SYNE1: variants seen among roughly 807,000 people sequenced by gnomAD.
SYNE1 encodes the protein spectrin repeat containing nuclear envelope protein 1, also known as nesprin-1.
SYNE1 carries 616 observed loss-of-function variants against 1,111.0 expected under a neutral mutation model. That is an observed-to-expected ratio of 0.55 (90% CI 0.52 to 0.59). The LOEUF is 0.59. Ranked by LOEUF, SYNE1 falls within the 20% of genes least tolerant of loss-of-function variation. The probability of loss-of-function intolerance (pLI) is 0.00; values close to 1 mark genes in which losing one functional copy is unlikely to be tolerated. For synonymous variants in SYNE1, 3,855 were observed against 3,825.8 expected (o/e 1.01, Z -0.28); for missense variants, 10,006 against 10,417.0 (o/e 0.96, Z 1.72).
At chr6:152,177,573 A>C (rs557227091) in intron 129 of SYNE1, among the ~76,000 whole-genome samples, 24 of 152,320 alleles carry the variant, frequency 1.6e-4, no homozygotes, top group Non-Finnish European at 2.4e-4. Context: ...AAAGGGCCCC[A>C]GGGGAATGGT....
At position 152,488,698 on chromosome 6, in the gene SYNE1, C is replaced by G. The variant is rs115013209; in HGVS notation, c.940-195G>C. On this transcript the variant is annotated intron_variant, in intron 11 of 145. Coordinates refer to ENST00000367255, the MANE Select transcript of SYNE1 (RefSeq NM_182961.4). ...AACTCTAGAAAAGTATCTTAGTTAT[C>G]TTATTGAATAACGAAATTAACCAAC... 5.8e-3 allele frequency among the ~76,000 whole-genome samples: 880 copies of G among 151,242 alleles called. 17 individuals are homozygous for G. Among genetic ancestry groups the G allele is most frequent in the African/African-American group, 0.021 (842 of 40,986 alleles).
In SYNE1 at chr6:152,623,047, G is replaced by A. The variant is rs143123948; in HGVS notation, c.67+5218C>T. Among the ~76,000 whole-genome samples, 403 of 151,902 alleles carry A rather than the reference G, an allele frequency of 2.7e-3. 4 individuals are homozygous for A. Among genetic ancestry groups the A allele is most frequent in the African/African-American group, 9.1e-3 (376 of 41,442 alleles). ...CTTTTTTTCATATGAAAGCCAAGGC[G>A]TCCTAAGCAAAAGAACAAAGCTGGA... On this transcript the variant is annotated intron_variant, in intron 3 of 145. Coordinates refer to ENST00000367255, the MANE Select transcript of SYNE1 (RefSeq NM_182961.4).
At chr6:152,610,565 C>A (rs1297924895) in intron 3 of SYNE1, among the ~76,000 whole-genome samples, 2 of 152,184 alleles carry the variant, frequency 1.3e-5, no homozygotes, top group East Asian at 3.8e-4. Flanking sequence ...AGTTGGAAAA[C>A]ACTCTTCAGG....
intron 13 of SYNE1, among the ~76,000 whole-genome samples, chr6:152,483,541 A>T (rs1349643026): frequency 6.6e-6 from 1 of 152,086 alleles, no homozygotes; most frequent in African/African-American, 2.4e-5. Flanking sequence ...TGAAGCACCC[A>T]CTGATTTTCA....
At chr6:152,266,991 T>G (rs2092776280) in intron 100 of SYNE1, among the ~76,000 whole-genome samples, 1 of 152,208 alleles carries the variant, frequency 6.6e-6, no homozygotes, top group African/African-American at 2.4e-5. Flanking sequence ...TACTCTACTT[T>G]CAACTTTATA....
At chr6:152,597,728 T>C (rs1178395636) in intron 3 of SYNE1, among the ~76,000 whole-genome samples, 1 of 152,220 alleles carries the variant, frequency 6.6e-6, no homozygotes, top group African/African-American at 2.4e-5. Context: ...TTGTTGTAGC[T>C]ATTATGAATA....
intron 131 of SYNE1, among the ~76,000 whole-genome samples, chr6:152,159,609 C>T (rs188546175): frequency 2.0e-5 from 3 of 152,110 alleles, no homozygotes; most frequent in East Asian, 3.9e-4. Context: ...TACTTCTACC[C>T]TTTTTAATTT....
At chr6:152,152,314 C>G (rs1322483826) in intron 133 of SYNE1, among the ~76,000 whole-genome samples, 173 bp from the exon 134 acceptor site, 1 of 152,064 alleles carries the variant, frequency 6.6e-6, no homozygotes, top group African/African-American at 2.4e-5. Flanking sequence ...GTCATCTAGT[C>G]AGCGTAACTT....
chr6:152,362,144 C>T, intron 64 of SYNE1, 26 bp downstream of exon 64: 1 of 1,614,058 alleles, frequency 6.2e-7, no homozygotes, highest in East Asian at 2.2e-5. Context: ...TGAGAAAACA[C>T]ATGGAATCTG....
chr6:152,462,584 A>AT (rs140845805), intron 20 of SYNE1, 154 bp downstream of exon 20: 17 of 776,066 alleles, frequency 2.2e-5, no homozygotes, highest in East Asian at 1.3e-4. Context: ...TGTTCAATAC[A>AT]TTTTTTTCTG....
chr6:152,394,218 G>A (rs1195670789), intron 51 of SYNE1, among the ~76,000 whole-genome samples: 1 of 152,144 alleles, frequency 6.6e-6, no homozygotes, highest in Non-Finnish European at 1.5e-5. Context: ...TCTTTATCCA[G>A]TCTATCACTG....
chr6:152,387,268 G>C lies in SYNE1; in HGVS notation c.8291C>G (p.Pro2764Arg). Reference protein sequence around the residue: ...QKIEHPLQPQPGLKEKFVLLD... With the variant: ...QKIEHPLQPQRGLKEKFVLLD... ...CAGGACGAACTTCTCTTTCAGACCT[G>C]GCTGTGGTTGTAAGGGATGTTCTAT... Residue 2764 changes from proline (P) to arginine (R), a missense_variant, in exon 54 of 146, where the codon CCA becomes CGA. Pro to Arg is a moderately radical substitution (Grantham distance 103). Transcript: ENST00000367255. The C allele has an allele frequency of 6.2e-7, 1 of 1,614,156 alleles. No individual in the cohort carries two copies. Among genetic ancestry groups the C allele is most frequent in the Non-Finnish European group, 8.5e-7 (1 of 1,180,028 alleles).
At chr6:152,483,344 T>C (rs2098919680) in intron 13 of SYNE1, 95 bp from the exon 14 acceptor site, 1 of 1,058,814 alleles carries the variant, frequency 9.4e-7, no homozygotes, top group Non-Finnish European at 1.4e-6. Context: ...CATAAAGCTT[T>C]AAGTTAATGA....
intron 62 of SYNE1, among the ~76,000 whole-genome samples, chr6:152,365,996 C>T (rs73001350): frequency 0.068 from 10,376 of 152,216 alleles, 446 homozygotes; most frequent in East Asian, 0.18. Flanking sequence ...CCCAAGTCTC[C>T]ACCCAGTTAT....
chr6:152,425,613 A>G, intron 38 of SYNE1, 66 bp from the exon 39 acceptor site: 1 of 1,590,452 alleles, frequency 6.3e-7, no homozygotes, highest in Non-Finnish European at 8.6e-7. Flanking sequence ...CATGCGGCAC[A>G]GGCGGCTGTT....
chr6:152,369,712 G>C, intron 59 of SYNE1, 98 bp from the exon 60 acceptor site: 1 of 1,436,934 alleles, frequency 7.0e-7, no homozygotes, highest in Non-Finnish European at 9.6e-7. Flanking sequence ...GCTGGGCACA[G>C]TGGCTCACGC....
chr6:152,270,790 G>T (rs1052778297), intron 98 of SYNE1, among the ~76,000 whole-genome samples: 1 of 152,164 alleles, frequency 6.6e-6, no homozygotes, highest in African/African-American at 2.4e-5. Flanking sequence ...TAATGGGATA[G>T]AAAGTTTTAG....
At chr6:152,419,765 A>T in intron 39 of SYNE1, 43 bp from the exon 40 acceptor site, 1 of 1,604,074 alleles carries the variant, frequency 6.2e-7, no homozygotes, top group South Asian at 1.1e-5. Context: ...CCATAAGTAA[A>T]CAGAAAGGAT....
chr6:152,124,862 G>A lies in SYNE1; in HGVS notation c.26154-2186C>T, dbSNP rs933044754. On this transcript the variant is annotated intron_variant, in intron 145 of 145. Coordinates refer to ENST00000367255, the MANE Select transcript of SYNE1 (RefSeq NM_182961.4). ...CCAGTTCATCTCCTAATTTTGTAGG[G>A]GAGTAGCTAAGGACAGTTCATGTTT... 2.6e-5 allele frequency among the ~76,000 whole-genome samples: 4 copies of A among 152,172 alleles called. No individual in the cohort carries two copies. The East Asian group carries it at 7.7e-4, about 29-fold the overall frequency.
Sources: gnomAD v4.1 joint callset for allele counts (sites outside exome capture counted in the v4.1 genomes callset) on GRCh38, gnomAD v4.1.1 for gene constraint, MANE v1.5 for transcripts, NCBI Gene and HGNC (gene_info 2026-07-23, HGNC 2026-07-21) for gene names.